The following C3orf70 variants were observed in gnomAD, a reference collection of about 807,000 sequenced individuals.
C3orf70 encodes the protein UPF0524 protein C3orf70.
C3orf70 carries 15 observed loss-of-function variants against 20.7 expected under a neutral mutation model. The observed-to-expected ratio is 0.72, with a 90% CI of 0.48 to 1.11. C3orf70 has a LOEUF of 1.11. Among genes scored for constraint, C3orf70 ranks in the 50% most tolerant of loss-of-function variants. The pLI is 0.00. For synonymous variants in C3orf70, 161 were observed against 125.7 expected (o/e 1.28, Z -1.88); for missense variants, 332 against 317.6 (o/e 1.05, Z -0.34).
chr3:185,142,484 T>G (rs9832782), intron 1 of C3orf70, among the ~76,000 whole-genome samples: 3,314 of 152,290 alleles, frequency 0.022, 102 homozygotes, highest in African/African-American at 0.075. Flanking sequence ...GGGGTACAGT[T>G]AGAGAACCTC....
chr3:185,100,741 T>C (rs945293058), intron 1 of C3orf70, among the ~76,000 whole-genome samples: 2 of 151,082 alleles, frequency 1.3e-5, no homozygotes, highest in African/African-American at 4.9e-5. Context: ...AAAACCTCAA[T>C]GGGTCCTGGA....
At chr3:185,128,932 A>G (rs902748936) in intron 1 of C3orf70, among the ~76,000 whole-genome samples, 19 of 152,234 alleles carry the variant, frequency 1.2e-4, no homozygotes, top group Non-Finnish European at 2.6e-4. Flanking sequence ...CAAGTGATTA[A>G]TATCTGAGTT....
rs575955921 is a variant in C3orf70 at position 185,128,061 on chromosome 3, C to A, written c.196+24567G>T. Among the ~76,000 whole-genome samples the A allele has an allele frequency of 2.0e-4, 30 of 152,304 alleles. 1 individual carries two copies. The East Asian group carries it at 5.4e-3, about 27-fold the overall frequency. On this transcript the variant is annotated intron_variant, in intron 1 of 1. Transcript: ENST00000335012. ...ATACGCAAGCAGCAAAGCCAATAAT[C>A]ATCAAATGGGCAACATTAATTTAGT...
At chr3:185,133,579 C>T (rs1335613704) in intron 1 of C3orf70, among the ~76,000 whole-genome samples, 1 of 151,722 alleles carries the variant, frequency 6.6e-6, no homozygotes, top group Non-Finnish European at 1.5e-5. Context: ...CCTGTCTCTA[C>T]CAAAAACACA....
chr3:185,142,437 CAAAG>C (rs1409176202), intron 1 of C3orf70, among the ~76,000 whole-genome samples: 2 of 152,256 alleles, frequency 1.3e-5, no homozygotes, highest in East Asian at 3.9e-4. Flanking sequence ...TGCTCAAAAA[CAAAG>C]AATCAATTTG....
rs1366241468 is a variant in C3orf70 at position 185,079,289 on chromosome 3, A to AAAAATAATAAAAT, written c.*3717_*3718insATTTTATTATTTT. 11 of 148,916 alleles carry AAAAATAATAAAAT rather than the reference A, an allele frequency of 7.4e-5. No homozygotes were observed. The highest frequency in any genetic ancestry group is 2.8e-4 in the African/African-American group (11 of 39,724). The allele number at this position is 148,916 out of a possible 1,614,324, so 9.2% of individuals were successfully genotyped here. A position where few individuals can be genotyped will look rare whatever the true frequency, so the allele number is the denominator to read the frequency against. ...GAGCGAGACTCTGTCTCAAAAAAAA[A>AAAAATAATAAAAT]AAAAAAAAAAAAAAAGTAAAGCCAC... On this transcript the variant is annotated 3_prime_UTR_variant, in exon 2 of 2. Transcript: ENST00000335012.
chr3:185,145,140 G>C (rs1716831340), intron 1 of C3orf70, among the ~76,000 whole-genome samples: 1 of 152,166 alleles, frequency 6.6e-6, no homozygotes, highest in South Asian at 2.1e-4. Flanking sequence ...TTCCTATACT[G>C]ATTTGGAATT....
chr3:185,109,263 C>T (rs1484081788), intron 1 of C3orf70, among the ~76,000 whole-genome samples: 2 of 152,148 alleles, frequency 1.3e-5, no homozygotes, highest in Non-Finnish European at 2.9e-5. Context: ...AGAAGCAAAA[C>T]AATTGGTTTG....
Position 185,077,934 on chromosome 3 carries a change from T to A in C3orf70, c.*5073A>T, listed in dbSNP as rs1258402714. ...GAGGTCTTGTAAAGGTTTAATGGGG[T>A]AATGGCCATACGCTATTTCCTAGCA... On this transcript the variant is annotated 3_prime_UTR_variant, in exon 2 of 2. Transcript: ENST00000335012. The A allele has an allele frequency of 6.6e-6, 1 of 152,154 alleles. No homozygotes were observed. Among genetic ancestry groups the A allele is most frequent in the Non-Finnish European group, 1.5e-5 (1 of 68,024 alleles). 9.4% of individuals were successfully genotyped at this position (152,154 alleles called of 1,614,324 possible). A position where few individuals can be genotyped will look rare whatever the true frequency, so the allele number is the denominator to read the frequency against.
At chr3:185,104,807 G>T (rs1715892045) in intron 1 of C3orf70, among the ~76,000 whole-genome samples, 1 of 152,144 alleles carries the variant, frequency 6.6e-6, no homozygotes, top group Non-Finnish European at 1.5e-5. Flanking sequence ...AACACACACT[G>T]CATACCAGAA....
intron 1 of C3orf70, among the ~76,000 whole-genome samples, chr3:185,136,144 A>G (rs1716616404): frequency 6.6e-6 from 1 of 152,226 alleles, no homozygotes; most frequent in Non-Finnish European, 1.5e-5. Context: ...TAACCAAAAG[A>G]AAGCAGTTAT....
chr3:185,151,304 T>C (rs1293057183), intron 1 of C3orf70, among the ~76,000 whole-genome samples: 1 of 152,176 alleles, frequency 6.6e-6, no homozygotes, highest in Non-Finnish European at 1.5e-5. Flanking sequence ...TCCTCACATT[T>C]TACACAACGA....
rs1242378718 is a variant in C3orf70 at position 185,152,647 on chromosome 3, A to G, written c.177T>C (p.Cys59=). 1.3e-6 allele frequency: 2 copies of G among 1,584,394 alleles called. No homozygotes were observed. Among genetic ancestry groups the G allele is most frequent in the East Asian group, 2.4e-5 (1 of 41,522 alleles). ...HGKCFKLHWC[C]HLGWCHCKYM... ...ACTTACAGTGACACCATCCTAGGTG[A>G]CAGCACCAGTGCAGCTTGAAGCACT... The change falls in exon 1 of 2, where the codon TGT becomes TGC. Residue 59 remains cysteine (C), a synonymous_variant. Coordinates refer to ENST00000335012, the MANE Select transcript of C3orf70 (RefSeq NM_001025266.3).
At chr3:185,087,761 G>A (rs963442876) in intron 1 of C3orf70, among the ~76,000 whole-genome samples, 5 of 152,072 alleles carry the variant, frequency 3.3e-5, no homozygotes, top group African/African-American at 9.7e-5. Flanking sequence ...CAATATAAAT[G>A]GACTTAACAC....
intron 1 of C3orf70, among the ~76,000 whole-genome samples, chr3:185,121,193 G>A (rs115163450): frequency 7.9e-5 from 12 of 152,162 alleles, no homozygotes; most frequent in African/African-American, 2.9e-4. Context: ...ATGCAAAGGG[G>A]TAAGAATGAT....
In C3orf70 at chr3:185,108,935, G is replaced by C. The variant is rs28785612; in HGVS notation, c.197-25372C>G. Among the ~76,000 whole-genome samples the C allele has an allele frequency of 1.4e-4, 22 of 152,240 alleles. No homozygotes were observed. In the East Asian group the frequency reaches 3.3e-3, roughly 23 times the overall value. ...AACGTCACCTTTTCCAGTGTTTTGC[G>C]GTGATGGGCATTCCAGCTTCTATTA... is the stretch of plus-strand genomic sequence containing the variant. On this transcript the variant is annotated intron_variant, in intron 1 of 1. Coordinates refer to ENST00000335012, the MANE Select transcript of C3orf70 (RefSeq NM_001025266.3).
chr3:185,104,467 T>C (rs1218647744), intron 1 of C3orf70, among the ~76,000 whole-genome samples: 3 of 152,164 alleles, frequency 2.0e-5, no homozygotes, highest in African/African-American at 7.2e-5. Context: ...AGCAATCCCA[T>C]TACTAGGTAA....
intron 1 of C3orf70, among the ~76,000 whole-genome samples, chr3:185,125,810 T>C (rs1352271359): frequency 6.6e-6 from 1 of 152,218 alleles, no homozygotes; most frequent in Non-Finnish European, 1.5e-5. Flanking sequence ...TTGCATATCA[T>C]ATGATTCCAT....
intron 1 of C3orf70, among the ~76,000 whole-genome samples, chr3:185,140,969 CA>C (rs35570209): frequency 2.5e-4 from 34 of 136,656 alleles, no homozygotes; most frequent in East Asian, 4.2e-4. Context: ...CCCTTGTCAC[CA>C]AAAAAAAAAA....
Sources: allele counts gnomAD v4.1 joint callset (sites outside exome capture counted in the v4.1 genomes callset), GRCh38; gene constraint gnomAD v4.1.1; transcripts MANE v1.5; gene names NCBI Gene and HGNC (gene_info 2026-07-23, HGNC 2026-07-21).